Variants in EYA4 observed in about 807,000 individuals in gnomAD.
EYA4 encodes the protein protein phosphatase EYA4.
In EYA4, 31 loss-of-function variants were observed where a neutral mutation model predicts 87.9. That is an observed-to-expected ratio of 0.35 (90% confidence interval 0.27 to 0.48). EYA4 has a LOEUF of 0.48. Ranked by LOEUF, EYA4 falls within the 20% of genes least tolerant of loss-of-function variation. The probability of loss-of-function intolerance (pLI) is 0.99; values close to 1 mark genes in which losing one functional copy is unlikely to be tolerated. For synonymous variants in EYA4, 263 were observed against 270.6 expected (o/e 0.97, Z 0.28); for missense variants, 678 against 761.4 (o/e 0.89, Z 1.29).
At position 133,512,971 on chromosome 6, in the gene EYA4, G is replaced by T. The variant is rs1187396214; in HGVS notation, c.1434G>T (p.Met478Ile). 37 of 1,614,022 alleles carry T rather than the reference G, an allele frequency of 2.3e-5. No homozygotes were observed. Among genetic ancestry groups the T allele is most frequent in the Non-Finnish European group, 2.8e-5 (33 of 1,179,992 alleles). The change falls in exon 16 of 20, where the codon ATG becomes ATT. Residue 478 changes from methionine to isoleucine, a missense_variant. Met to Ile is a conservative substitution (Grantham distance 10). Transcript: ENST00000355286. ...GTGTAAGAGGAGGGGTTGACTGGAT[G>T]AGGAAGTTGGCTTTTCGTTACAGAA... The part of the protein sequence containing the change: ...PTGVRGGVDW[M>I]RKLAFRYRRV...
intron 3 of EYA4, among the ~76,000 whole-genome samples, chr6:133,391,923 A>T (rs1458106713): frequency 1.3e-5 from 2 of 152,182 alleles, no homozygotes; most frequent in Non-Finnish European, 2.9e-5. Flanking sequence ...ATATCAAGGA[A>T]ATTGAAAATG....
Position 133,396,505 on chromosome 6 carries a change from A to G in EYA4, c.83+14064A>G, listed in dbSNP as rs182246831. On this transcript the variant is annotated intron_variant, in intron 3 of 19. Coordinates refer to ENST00000355286, the MANE Select transcript of EYA4 (RefSeq NM_004100.5). ...GTAAAGACTGAAGGCATTACATAGG[A>G]GCATCATGTGTGACATCGAACGGGA... Among the ~76,000 whole-genome samples the G allele has an allele frequency of 1.6e-4, 25 of 152,290 alleles. No individual in the cohort carries two copies. In the East Asian group the frequency reaches 3.3e-3, roughly 20 times the overall value.
chr6:133,485,849 A>G (rs1203743448), intron 13 of EYA4, among the ~76,000 whole-genome samples: 2 of 152,248 alleles, frequency 1.3e-5, no homozygotes, highest in Non-Finnish European at 2.9e-5. Flanking sequence ...GGGATGAGAA[A>G]GATAAACTTA....
At chr6:133,311,848 T>A (rs1198674185) in intron 2 of EYA4, among the ~76,000 whole-genome samples, 1 of 151,640 alleles carries the variant, frequency 6.6e-6, no homozygotes, top group Non-Finnish European at 1.5e-5. Flanking sequence ...AGTAATAAAT[T>A]AATAAATAAG....
intron 3 of EYA4, among the ~76,000 whole-genome samples, chr6:133,434,011 T>C (rs1359758123): frequency 1.3e-5 from 2 of 152,222 alleles, no homozygotes; most frequent in Admixed American, 6.5e-5. Flanking sequence ...GTGAGAGTTG[T>C]AATAGCCTTG....
In EYA4 at chr6:133,303,476, G is replaced by T. The variant is rs1415486577; in HGVS notation, c.33+28663G>T. Reference sequence around the variant, plus strand: ...GTTTTGCAGCCAGTGGTATGAACCTGGAGAGACCAAAGTTTATAGCCTCTC... The same window carrying T: ...GTTTTGCAGCCAGTGGTATGAACCTTGAGAGACCAAAGTTTATAGCCTCTC... On this transcript the variant is annotated intron_variant, in intron 2 of 19. Coordinates refer to ENST00000355286, the MANE Select transcript of EYA4 (RefSeq NM_004100.5). 3.9e-5 allele frequency among the ~76,000 whole-genome samples: 6 copies of T among 152,250 alleles called. No homozygotes were observed. The East Asian group carries it at 1.2e-3, about 29-fold the overall frequency.
At position 133,530,319 on chromosome 6, in the gene EYA4, C is replaced by G; in HGVS notation, c.*1514C>G. 1.0e-6 allele frequency: 1 copy of G among 985,444 alleles called. No homozygotes were observed. The highest frequency in any genetic ancestry group is 1.2e-6 in the Non-Finnish European group (1 of 829,930). The allele number at this position is 985,444 out of a possible 1,614,324, so 61.0% of individuals were successfully genotyped here. On this transcript the variant is annotated 3_prime_UTR_variant, in exon 20 of 20. Transcript: ENST00000355286. The stretch of plus-strand genomic sequence containing the variant: ...GGCATTCATTACAAGAAGAGCCCAT[C>G]ATCGTTGTGTTTGCATGGTTTTTTT...
At chr6:133,410,633 T>TTTTTTTTTTTTTTTTGAGACAG (rs1554252061) in intron 3 of EYA4, among the ~76,000 whole-genome samples, 2 of 148,720 alleles carry the variant, frequency 1.3e-5, no homozygotes, top group Non-Finnish European at 3.0e-5. Context: ...ACTAAGGTCT[T>TTTTTTTTTTTTTTTTGAGACAG]AATTCCTTCT....
chr6:133,455,852 G>A (rs1467251425), intron 5 of EYA4, among the ~76,000 whole-genome samples: 1 of 152,048 alleles, frequency 6.6e-6, no homozygotes, highest in African/African-American at 2.4e-5. Flanking sequence ...ATAATAATGT[G>A]TACTAGGCCA....
chr6:133,386,558 G>A (rs1231275040), intron 3 of EYA4, among the ~76,000 whole-genome samples: 2 of 151,892 alleles, frequency 1.3e-5, no homozygotes, highest in Non-Finnish European at 2.9e-5. Flanking sequence ...CCTCTCTTGG[G>A]CCACTGACTA....
chr6:133,282,434 T>C lies in EYA4; in HGVS notation c.33+7621T>C, dbSNP rs546471349. On this transcript the variant is annotated intron_variant, in intron 2 of 19. Transcript: ENST00000355286. Reference sequence around the variant, plus strand: ...TATCCTTTTCCTACTTCTAAGTATTTTTTAAACTCTGAATTTTTATATTTT... The same window carrying C: ...TATCCTTTTCCTACTTCTAAGTATTCTTTAAACTCTGAATTTTTATATTTT... 1.9e-4 allele frequency among the ~76,000 whole-genome samples: 29 copies of C among 152,310 alleles called. 1 individual carries two copies. The South Asian group carries it at 4.6e-3, about 24-fold the overall frequency.
chr6:133,327,290 G>A (rs901975077), intron 2 of EYA4, among the ~76,000 whole-genome samples: 5 of 151,792 alleles, frequency 3.3e-5, no homozygotes, highest in Admixed American at 6.6e-5. Flanking sequence ...GGTGCCCGCC[G>A]CCACGCCAGT....
At chr6:133,337,116 T>A (rs539448416) in intron 2 of EYA4, among the ~76,000 whole-genome samples, 109 of 152,344 alleles carry the variant, frequency 7.2e-4, no homozygotes, top group African/African-American at 2.6e-3. Flanking sequence ...TTGTGTGGTC[T>A]GAGTCTCAGT....
In EYA4 at chr6:133,365,576, T is replaced by C. The variant is rs565054269; in HGVS notation, c.34-16816T>C. On this transcript the variant is annotated intron_variant, in intron 2 of 19. Transcript: ENST00000355286. Reference sequence around the variant, plus strand: ...CACGATGGGGCGCATGGGGAAGCACTGGGTTTGGTCAGGATGCAGAAGGAG... The same window carrying C: ...CACGATGGGGCGCATGGGGAAGCACCGGGTTTGGTCAGGATGCAGAAGGAG... 1.2e-4 allele frequency among the ~76,000 whole-genome samples: 18 copies of C among 152,146 alleles called. No homozygotes were observed. The East Asian group carries it at 3.1e-3, about 26-fold the overall frequency.
intron 13 of EYA4, among the ~76,000 whole-genome samples, chr6:133,490,981 TA>T (rs1015601355): frequency 5.3e-5 from 8 of 151,956 alleles, no homozygotes; most frequent in East Asian, 1.9e-4. Flanking sequence ...CTTTAAAAAT[TA>T]AAAAAAATGA....
intron 1 of EYA4, among the ~76,000 whole-genome samples, chr6:133,254,143 T>C (rs887557305): frequency 2.6e-5 from 4 of 152,300 alleles, no homozygotes; most frequent in Non-Finnish European, 5.9e-5. Flanking sequence ...CCGGCGTACA[T>C]TGGTATTTTC....
chr6:133,445,191 C>A (rs1342185910), intron 3 of EYA4, among the ~76,000 whole-genome samples: 1 of 152,086 alleles, frequency 6.6e-6, no homozygotes, highest in African/African-American at 2.4e-5. Context: ...ACACTTCATG[C>A]CAAATGAAAG....
chr6:133,418,674 T>A (rs1789960265), intron 3 of EYA4, among the ~76,000 whole-genome samples: 1 of 152,226 alleles, frequency 6.6e-6, no homozygotes, highest in Non-Finnish European at 1.5e-5. Context: ...TAAGGTTTTG[T>A]GCAACATGAG....
At chr6:133,288,500 T>C (rs1044598791) in intron 2 of EYA4, among the ~76,000 whole-genome samples, 1 of 152,142 alleles carries the variant, frequency 6.6e-6, no homozygotes, top group African/African-American at 2.4e-5. Context: ...CAGGTATCAA[T>C]GACTTAAGGA....
Sources: gnomAD v4.1 joint callset for allele counts (sites outside exome capture counted in the v4.1 genomes callset) on GRCh38, gnomAD v4.1.1 for gene constraint, MANE v1.5 for transcripts, NCBI Gene and HGNC (gene_info 2026-07-23, HGNC 2026-07-21) for gene names.